The following MECR variants were observed in gnomAD, a reference collection of about 807,000 sequenced individuals.
MECR encodes enoyl-[acyl-carrier-protein] reductase, mitochondrial.
Under a neutral mutation model 49.1 loss-of-function variants are expected in MECR, and 37 were observed. The ratio of observed to expected loss-of-function variants is 0.75; its 90% CI spans 0.58 to 0.99. The LOEUF is 0.99. MECR is among the 50% of genes least tolerant of loss of function. The pLI is 0.00. For missense variants in MECR, 470 were observed against 479.6 expected (o/e 0.98, Z 0.19); for synonymous variants, 198 against 191.1 (o/e 1.04, Z -0.30).
chr1:29,203,778 G>A (rs568994313), intron 4 of MECR, among the ~76,000 whole-genome samples: 1 of 152,320 alleles, frequency 6.6e-6, no homozygotes, highest in East Asian at 1.9e-4. Flanking sequence ...TCTATCAACA[G>A]CTTGCAGCTT....
intron 1 of MECR, chr1:29,223,325 G>T: frequency 4.1e-6 from 4 of 980,748 alleles, no homozygotes; most frequent in Non-Finnish European, 4.8e-6. Context: ...TTTGAGAGGG[G>T]GGAAAAGAGG....
At chr1:29,227,119 G>A (rs1682291653) in intron 1 of MECR, among the ~76,000 whole-genome samples, 1 of 151,944 alleles carries the variant, frequency 6.6e-6, no homozygotes, top group Non-Finnish European at 1.5e-5. Context: ...ATGCACCACT[G>A]TGCCCGACTA....
At chr1:29,172,633 T>C in the MECR span, 1 of 152,212 alleles carries the variant, frequency 6.6e-6, no homozygotes, top group Non-Finnish European at 1.5e-5. Context: ...GAAGTGCCCA[T>C]CACACGGGCA....
At position 29,195,961 on chromosome 1, in the gene MECR, C is replaced by T. The variant is rs1231038327; in HGVS notation, c.944G>A (p.Trp315Ter). Residue 315 changes from tryptophan (W) to a stop codon, truncating the protein, a stop_gained, in exon 9 of 10, where the codon TGG (tryptophan) becomes TAG (stop). Transcript: ENST00000263702. LOFTEE classifies it high-confidence loss of function. ...LKLRGFWLSQ[W>*]KKDHSPDQFK... ...CTCACCTGGACTGTGATCCTTCTTC[C>T]ACTGGGACAACCAAAAGCCTCGAAG... The T allele has an allele frequency of 1.3e-5, 21 of 1,614,102 alleles. No individual in the cohort carries two copies. The highest frequency in any genetic ancestry group is 2.7e-5 in the African/African-American group (2 of 74,928).
In MECR at chr1:29,216,624, C is replaced by A; in HGVS notation, c.238G>T (p.Ala80Ser). 6.2e-7 allele frequency: 1 copy of A among 1,614,222 alleles called. No homozygotes were observed. ...GSDVRVKMLA[A>S]PINPSDINMI... Reference sequence around the variant, plus strand: ...TTTATGTCAGATGGATTGATAGGGGCCGCCAGCATCTTCACACGGACATCT... The same window carrying A: ...TTTATGTCAGATGGATTGATAGGGGACGCCAGCATCTTCACACGGACATCT... The change falls in exon 2 of 10, where the codon GCC (alanine) becomes TCC (serine). Residue 80 changes from alanine (A) to serine (S), a missense_variant. Transcript: ENST00000263702.
chr1:29,179,528 T>G, the MECR span, among the ~76,000 whole-genome samples: 1 of 152,046 alleles, frequency 6.6e-6, no homozygotes, highest in Non-Finnish European at 1.5e-5. Context: ...CGTGGCTAAT[T>G]AAAAAAATTT....
chr1:29,191,069 T>C (rs113915893), downstream of MECR, among the ~76,000 whole-genome samples: 91 of 152,280 alleles, frequency 6.0e-4, no homozygotes, highest in African/African-American at 2.1e-3. Context: ...CCTGAATAAA[T>C]TATAATCATC....
intron 9 of MECR, 75 bp from the exon 10 acceptor site, chr1:29,194,254 A>G (rs1574224939): frequency 2.0e-6 from 3 of 1,472,788 alleles, no homozygotes; most frequent in Non-Finnish European, 1.8e-6. Context: ...GGGCTGCCCT[A>G]TGGGCAGGAG....
downstream of MECR, among the ~76,000 whole-genome samples, chr1:29,188,330 C>T (rs1364898482): frequency 1.3e-5 from 2 of 151,604 alleles, no homozygotes; most frequent in East Asian, 4.0e-4. Context: ...GCTGGGATTA[C>T]AGGTGCCTGC....
At chr1:29,215,042 C>T (rs1012138266) in intron 3 of MECR, among the ~76,000 whole-genome samples, 3 of 152,158 alleles carry the variant, frequency 2.0e-5, no homozygotes, top group African/African-American at 7.2e-5. Context: ...TAGACAGGGT[C>T]TCACTCTGTT....
rs78487289 is a variant in MECR, at chr1:29,226,309, C to T, written c.176+4422G>A. On this transcript the variant is annotated intron_variant, in intron 1 of 9. Coordinates refer to ENST00000263702, the MANE Select transcript of MECR (RefSeq NM_016011.5). ...TCAGGATGCTGTTTTACAAAAGCCTCGGGATCCTGAAAAGGGGAGGAGACA... is the reference window on the plus strand; with the variant it reads ...TCAGGATGCTGTTTTACAAAAGCCTTGGGATCCTGAAAAGGGGAGGAGACA... Among the ~76,000 whole-genome samples, 871 of 151,776 alleles carry T rather than the reference C, an allele frequency of 5.7e-3. 11 individuals are homozygous for T. The highest frequency in any genetic ancestry group is 0.02 in the African/African-American group (827 of 41,386).
At chr1:29,190,629 A>G (rs1673102115), downstream of MECR, among the ~76,000 whole-genome samples, 1 of 151,908 alleles carries the variant, frequency 6.6e-6, no homozygotes, top group Non-Finnish European at 1.5e-5. Context: ...CGCTGTTTCT[A>G]TTAAAAATAA....
At chr1:29,204,175 C>T (rs1375471202) in intron 4 of MECR, among the ~76,000 whole-genome samples, 1 of 151,770 alleles carries the variant, frequency 6.6e-6, no homozygotes, top group Non-Finnish European at 1.5e-5. Flanking sequence ...GCTGAGATCG[C>T]GCCACTGTAC....
At chr1:29,222,305 G>A (rs1049178112) in intron 1 of MECR, among the ~76,000 whole-genome samples, 10 of 151,918 alleles carry the variant, frequency 6.6e-5, no homozygotes, top group Non-Finnish European at 1.3e-4. Flanking sequence ...TATCATGTTG[G>A]TCAGGCTGGT....
chr1:29,192,595 G>A (rs752663502), downstream of MECR, among the ~76,000 whole-genome samples: 4 of 152,076 alleles, frequency 2.6e-5, no homozygotes, highest in Non-Finnish European at 4.4e-5. Flanking sequence ...CAATAAATAC[G>A]TCCTGAATGA....
the MECR span, chr1:29,181,521 G>A: frequency 6.2e-6 from 5 of 806,394 alleles, no homozygotes; most frequent in African/African-American, 1.8e-5. Context: ...CCGCCACTAT[G>A]GCGGAGCCTG....
chr1:29,210,803 A>G (rs576270213), intron 3 of MECR, among the ~76,000 whole-genome samples: 10 of 152,298 alleles, frequency 6.6e-5, no homozygotes, highest in East Asian at 5.8e-4. Flanking sequence ...TTGAGTTTCC[A>G]TTTCCCTAAT....
intron 3 of MECR, 84 bp downstream of exon 3, chr1:29,215,921 C>A: frequency 6.6e-7 from 1 of 1,521,382 alleles, no homozygotes; most frequent in South Asian, 1.2e-5. Flanking sequence ...CCCAGGTACA[C>A]TCGGCCAATC....
At position 29,230,873 on chromosome 1, in the gene MECR, T is replaced by C; in HGVS notation, c.34A>G (p.Thr12Ala). 6.2e-7 allele frequency: 1 copy of C among 1,605,662 alleles called. No individual in the cohort carries two copies. ...AGCCCCCGCCACTGCCGGGCGGGGG[T>C]TCGCACCCGCCACAGGGTACTGCAG... Reference protein sequence around the residue: ...WVCSTLWRVRTPARQWRGLLP... With the variant: ...WVCSTLWRVRAPARQWRGLLP... Residue 12 changes from threonine to alanine, a missense_variant, in exon 1 of 10, where the codon ACC becomes GCC. Thr to Ala is a moderately conservative substitution (Grantham distance 58). Coordinates refer to ENST00000263702, the MANE Select transcript of MECR (RefSeq NM_016011.5).
Sources: allele counts gnomAD v4.1 joint callset (sites outside exome capture counted in the v4.1 genomes callset), GRCh38; gene constraint gnomAD v4.1.1; transcripts MANE v1.5; gene names NCBI Gene and HGNC (gene_info 2026-07-23, HGNC 2026-07-21).